The following WDR64 variants were observed in gnomAD, a reference collection of about 807,000 sequenced individuals.
WDR64 encodes the protein WD repeat-containing protein 64.
In WDR64, 112 loss-of-function variants were observed where a neutral mutation model predicts 139.3. The ratio of observed to expected loss-of-function variants is 0.80; its 90% CI spans 0.69 to 0.94. The LOEUF (loss-of-function observed/expected upper bound fraction) is 0.94, where lower values mean the gene tolerates loss of function less well. Among genes scored for constraint, WDR64 ranks in the 40% least tolerant of loss-of-function variants. WDR64 has a pLI of 0.00. For synonymous variants in WDR64, 444 were observed against 437.7 expected (o/e 1.01, Z -0.18); for missense variants, 1,206 against 1,293.1 (o/e 0.93, Z 1.03).
At position 241,683,614 on chromosome 1, in the gene WDR64, C is replaced by T; in HGVS notation, c.752C>T (p.Thr251Ile). ...GATGGGGGTTTTGTGAACAGATTCACAGTCAACAGTGATGACTTTGGAATA... is the reference window on the plus strand; with the variant it reads ...GATGGGGGTTTTGTGAACAGATTCATAGTCAACAGTGATGACTTTGGAATA... ...GDDGGFVNRFTVNSDDFGIKQ... is the reference protein window; with the variant it reads ...GDDGGFVNRFIVNSDDFGIKQ... The change falls in exon 7 of 28, where the codon ACA becomes ATA. Residue 251 changes from threonine (T) to isoleucine (I), a missense_variant. Transcript: ENST00000437684. 1 of 1,551,494 alleles carries T rather than the reference C, an allele frequency of 6.4e-7. No homozygotes were observed. The highest frequency in any genetic ancestry group is 1.2e-5 in the South Asian group (1 of 84,050).
chr1:241,769,439 A>G lies in WDR64; in HGVS notation c.2117A>G (p.Asp706Gly). ...GAAGATTGCTTCACTGTAAACCCTGACTTGCATCCCAAGCACTTTAAAATT... is the reference window on the plus strand; with the variant it reads ...GAAGATTGCTTCACTGTAAACCCTGGCTTGCATCCCAAGCACTTTAAAATT... ...RPEDCFTVNPDLHPKHFKIND... is the reference protein window; with the variant it reads ...RPEDCFTVNPGLHPKHFKIND... Residue 706 changes from aspartate (D) to glycine (G), a missense_variant, in exon 17 of 28, where the codon GAC becomes GGC. Coordinates refer to ENST00000437684, the MANE Select transcript of WDR64 (RefSeq NM_001367482.1). 6.4e-7 allele frequency: 1 copy of G among 1,551,502 alleles called. No homozygotes were observed. The highest frequency in any genetic ancestry group is 8.7e-7 in the Non-Finnish European group (1 of 1,146,974).
Position 241,742,565 on chromosome 1 carries a change from C to A in WDR64, c.1470+901C>A, listed in dbSNP as rs114432262. On this transcript the variant is annotated intron_variant, in intron 12 of 27. Coordinates refer to ENST00000437684, the MANE Select transcript of WDR64 (RefSeq NM_001367482.1). ...ATGTCATGGCAACGTCGGGAAGTTACCCTACATTGTCTAAATAGGGGAGGC... is the reference window on the plus strand; with the variant it reads ...ATGTCATGGCAACGTCGGGAAGTTAACCTACATTGTCTAAATAGGGGAGGC... 8.7e-3 allele frequency among the ~76,000 whole-genome samples: 1,330 copies of A among 152,238 alleles called. 24 individuals carry two copies. Among genetic ancestry groups the A allele is most frequent in the African/African-American group, 0.031 (1,269 of 41,518 alleles).
At chr1:241,670,207 A>G (rs1435314345) in intron 2 of WDR64, among the ~76,000 whole-genome samples, 1 of 152,194 alleles carries the variant, frequency 6.6e-6, no homozygotes, top group Non-Finnish European at 1.5e-5. Context: ...TTTATTCACA[A>G]ATAAGAACTC....
chr1:241,751,830 G>T (rs961095050), intron 14 of WDR64, among the ~76,000 whole-genome samples: 2 of 152,148 alleles, frequency 1.3e-5, no homozygotes, highest in African/African-American at 4.8e-5. Context: ...TAGAAAACAA[G>T]AGAAGAAAAC....
At chr1:241,706,507 T>C (rs1421213489) in intron 8 of WDR64, among the ~76,000 whole-genome samples, 1 of 152,270 alleles carries the variant, frequency 6.6e-6, no homozygotes, top group Non-Finnish European at 1.5e-5. Context: ...AGAACTTAAC[T>C]ACTTCTCATC....
intron 15 of WDR64, among the ~76,000 whole-genome samples, chr1:241,763,234 T>TA (rs1036352311): frequency 1.3e-4 from 19 of 148,892 alleles, no homozygotes; most frequent in Admixed American, 8.7e-4. Context: ...AATGATTGCT[T>TA]AAAAAAAAAA....
In WDR64 at chr1:241,772,809, A is replaced by G. The variant is rs988814585; in HGVS notation, c.2308A>G (p.Met770Val). Residue 770 changes from methionine (M) to valine (V), a missense_variant, in exon 20 of 28, where the codon ATG becomes GTG. Physicochemically the swap from Met to Val is conservative, Grantham distance 21 (BLOSUM62 1). Transcript: ENST00000437684. ...SEVKGEQTDV[M>V]VGKQQPMDKK... Reference sequence around the variant, plus strand: ...TCGAATAGGTGAACAAACAGATGTAATGGTGGGAAAGCAACAGCCAATGGA... The same window carrying G: ...TCGAATAGGTGAACAAACAGATGTAGTGGTGGGAAAGCAACAGCCAATGGA... 1.9e-5 allele frequency: 29 copies of G among 1,551,726 alleles called. No homozygotes were observed. In the African/African-American group the frequency reaches 3.7e-4, roughly 20 times the overall value.
At chr1:241,732,818 C>CA (rs938396771) in intron 10 of WDR64, among the ~76,000 whole-genome samples, 2,422 of 145,412 alleles carry the variant, frequency 0.017, 24 homozygotes, top group Non-Finnish European at 0.02. Context: ...GAAACTCTGT[C>CA]AAAAAAAAAA....
chr1:241,717,886 A>G (rs1450808285), intron 9 of WDR64, among the ~76,000 whole-genome samples: 3 of 152,170 alleles, frequency 2.0e-5, no homozygotes, highest in Admixed American at 2.0e-4. Context: ...AATAATAGTA[A>G]TAGTAATTGT....
chr1:241,751,071 TTTCA>T lies in WDR64; in HGVS notation c.1770+1360_1770+1363del, dbSNP rs778210856. 4.6e-5 allele frequency among the ~76,000 whole-genome samples: 7 copies of T among 152,330 alleles called. No homozygotes were observed. In the East Asian group the frequency reaches 9.6e-4, roughly 21 times the overall value. ...TTTACATACTTATTTTCTAGAATAC[TTTCA>T]TTCATTCATTTTTTTCAATGACCAG... On this transcript the variant is annotated intron_variant, in intron 14 of 27. Coordinates refer to ENST00000437684, the MANE Select transcript of WDR64 (RefSeq NM_001367482.1).
intron 25 of WDR64, 94 bp downstream of exon 25, chr1:241,790,790 TATTA>T: frequency 1.1e-6 from 1 of 906,560 alleles, no homozygotes; most frequent in Non-Finnish European, 1.7e-6. Context: ...TAATATAACA[TATTA>T]ATTTTTTATT....
At chr1:241,719,968 C>T (rs116598374) in intron 9 of WDR64, among the ~76,000 whole-genome samples, 3 of 151,986 alleles carry the variant, frequency 2.0e-5, no homozygotes, top group East Asian at 1.9e-4. Flanking sequence ...TCCTCACCAC[C>T]CAGTGAATGT....
chr1:241,764,492 A>T (rs1047255843), intron 15 of WDR64, among the ~76,000 whole-genome samples: 7 of 150,596 alleles, frequency 4.6e-5, no homozygotes, highest in African/African-American at 1.5e-4. Context: ...CTACAAAAAA[A>T]TTTTTAAAAA....
chr1:241,783,900 A>G (rs1212791280), intron 23 of WDR64, among the ~76,000 whole-genome samples: 6 of 152,242 alleles, frequency 3.9e-5, no homozygotes, highest in Non-Finnish European at 7.3e-5. Context: ...GAAAGAAAGG[A>G]AATGTCATGG....
At position 241,801,119 on chromosome 1, in the gene WDR64, C is replaced by T. The variant is rs544478555; in HGVS notation, c.3193-13C>T. On this transcript the variant is annotated splice_polypyrimidine_tract_variant and intron_variant, in intron 27 of 27. Coordinates refer to ENST00000437684, the MANE Select transcript of WDR64 (RefSeq NM_001367482.1). Reference sequence around the variant, plus strand: ...AATGCCAGTTACTAACTGACATGCTCTTTATTTCACAGGCACCACGAAGAA... The same window carrying T: ...AATGCCAGTTACTAACTGACATGCTTTTTATTTCACAGGCACCACGAAGAA... 1 of 1,612,024 alleles carries T rather than the reference C, an allele frequency of 6.2e-7. No homozygotes were observed. Among genetic ancestry groups the T allele is most frequent in the Non-Finnish European group, 8.5e-7 (1 of 1,178,662 alleles).
chr1:241,692,182 G>A (rs879702252), intron 8 of WDR64, among the ~76,000 whole-genome samples: 14 of 152,238 alleles, frequency 9.2e-5, no homozygotes, highest in Admixed American at 2.0e-4. Context: ...GATATTCCAC[G>A]TTCATGAATA....
chr1:241,787,925 G>C lies in WDR64; in HGVS notation c.2782G>C (p.Asp928His), dbSNP rs375495995. The C allele has an allele frequency of 1.2e-6, 2 of 1,612,794 alleles. No individual in the cohort carries two copies. Among genetic ancestry groups the C allele is most frequent in the African/African-American group, 2.7e-5 (2 of 74,820 alleles). ...GCTCTTTGAATTATCACAGACAAGA[G>C]ATTTCATTTTGCCTTGTGATGTTAC... ...RRLFELSQTR[D>H]FILPCDVTEY... The change falls in exon 24 of 28, where the codon GAT becomes CAT. Residue 928 changes from aspartate to histidine, a missense_variant. Coordinates refer to ENST00000437684, the MANE Select transcript of WDR64 (RefSeq NM_001367482.1).
chr1:241,658,880 T>C (rs7416113), intron 1 of WDR64, among the ~76,000 whole-genome samples: 40,799 of 150,014 alleles, frequency 0.27, 5,815 homozygotes, highest in East Asian at 0.53. Context: ...AAAGGACTGA[T>C]TATGTTTGTA....
At chr1:241,758,266 A>G (rs925051099) in intron 15 of WDR64, among the ~76,000 whole-genome samples, 3 of 151,088 alleles carry the variant, frequency 2.0e-5, no homozygotes, top group Non-Finnish European at 2.9e-5. Flanking sequence ...AGACACCTTC[A>G]TAGGTGCTGT....
Sources: allele counts gnomAD v4.1 joint callset (sites outside exome capture counted in the v4.1 genomes callset), GRCh38; gene constraint gnomAD v4.1.1; transcripts MANE v1.5; gene names NCBI Gene and HGNC (gene_info 2026-07-23, HGNC 2026-07-21).